The following PPM1D variants were observed in gnomAD, a reference collection of about 807,000 sequenced individuals.
PPM1D encodes protein phosphatase, Mg2+/Mn2+ dependent 1D.
PPM1D carries 52 observed loss-of-function variants against 58.3 expected under a neutral mutation model. That is an observed-to-expected ratio of 0.89 (90% confidence interval 0.71 to 1.12). The LOEUF (loss-of-function observed/expected upper bound fraction) is 1.12. Ranked by LOEUF, PPM1D falls within the 50% of genes most tolerant of loss-of-function variation. PPM1D has a pLI of 0.00. For missense variants in PPM1D, 564 were observed against 777.2 expected, an observed-to-expected ratio of 0.73 and a Z score of 3.26; for synonymous variants, 278 against 285.1, an observed-to-expected ratio of 0.98 and a Z score of 0.25.
At chr17:60,619,312 T>C (rs2030650708) in intron 1 of PPM1D, among the ~76,000 whole-genome samples, 3 of 152,136 alleles carry the variant, frequency 2.0e-5, no homozygotes, top group Admixed American at 2.0e-4. Flanking sequence ...TGTTTTCATA[T>C]CTTGGATGTT....
intron 1 of PPM1D, among the ~76,000 whole-genome samples, chr17:60,607,159 ATTTTTCT>A (rs1213849502): frequency 6.6e-6 from 1 of 151,658 alleles, no homozygotes; most frequent in African/African-American, 2.4e-5. Context: ...AAAGGTCATT[ATTTTTCT>A]TTTTTCTTTA....
chr17:60,616,566 C>T lies in PPM1D; in HGVS notation c.473-6955C>T, dbSNP rs147196635. On this transcript the variant is annotated intron_variant, in intron 1 of 5. Transcript: ENST00000305921. ...CAGAGGTTGCAGTGAGCCAAGATCACGCCTCTGCACTCCGGCCTGGGTGAC... is the reference window on the plus strand; with the variant it reads ...CAGAGGTTGCAGTGAGCCAAGATCATGCCTCTGCACTCCGGCCTGGGTGAC... Among the ~76,000 whole-genome samples, 768 of 152,096 alleles carry T rather than the reference C, an allele frequency of 5.0e-3. 5 individuals carry two copies. Among genetic ancestry groups the T allele is most frequent in the African/African-American group, 0.017 (721 of 41,480 alleles).
chr17:60,635,056 G>A (rs1020785018), intron 3 of PPM1D, among the ~76,000 whole-genome samples: 3 of 151,976 alleles, frequency 2.0e-5, no homozygotes, highest in African/African-American at 4.8e-5. Context: ...ACAGGCATGA[G>A]CCACCACACC....
At chr17:60,628,680 A>G (rs1330822147) in intron 2 of PPM1D, among the ~76,000 whole-genome samples, 1 of 152,156 alleles carries the variant, frequency 6.6e-6, no homozygotes, top group African/African-American at 2.4e-5. Flanking sequence ...AGTTATACAG[A>G]TCTTGCAAAT....
chr17:60,617,825 A>G (rs2143644170), intron 1 of PPM1D, among the ~76,000 whole-genome samples: 1 of 152,306 alleles, frequency 6.6e-6, no homozygotes, highest in Admixed American at 6.5e-5. Flanking sequence ...TGTACACTTC[A>G]ATGAATAATT....
chr17:60,663,618 G>T lies in PPM1D; in HGVS notation c.*66G>T. Reference sequence around the variant, plus strand: ...AAGAGGGCTTTTTAAATTTGGTGCCGATGTTGAACTTTTTTTAAGGGGAGA... The same window carrying T: ...AAGAGGGCTTTTTAAATTTGGTGCCTATGTTGAACTTTTTTTAAGGGGAGA... On this transcript the variant is annotated 3_prime_UTR_variant, in exon 6 of 6. Coordinates refer to ENST00000305921, the MANE Select transcript of PPM1D (RefSeq NM_003620.4). 1 of 1,492,238 alleles carries T rather than the reference G, an allele frequency of 6.7e-7. No individual in the cohort carries two copies. The highest frequency in any genetic ancestry group is 9.0e-7 in the Non-Finnish European group (1 of 1,114,534). The allele number at this position is 1,492,238 out of a possible 1,614,324, so 92.4% of individuals were successfully genotyped here.
intron 5 of PPM1D, among the ~76,000 whole-genome samples, chr17:60,658,689 C>A (rs1406466349): frequency 6.6e-6 from 1 of 151,344 alleles, no homozygotes; most frequent in African/African-American, 2.4e-5. Flanking sequence ...CTGGGCTGGG[C>A]GTGGTGGCTC....
At chr17:60,616,503 G>T (rs932251136) in intron 1 of PPM1D, among the ~76,000 whole-genome samples, 1 of 151,920 alleles carries the variant, frequency 6.6e-6, no homozygotes, top group African/African-American at 2.4e-5. Flanking sequence ...CCAGCTACTC[G>T]GGAGGCTGAG....
At chr17:60,657,845 T>C (rs2031466870) in intron 5 of PPM1D, among the ~76,000 whole-genome samples, 1 of 152,198 alleles carries the variant, frequency 6.6e-6, no homozygotes, top group African/African-American at 2.4e-5. Flanking sequence ...GTTCAGGTGA[T>C]TCTCCTGCCT....
At chr17:60,629,344 C>T (rs145078406) in intron 2 of PPM1D, among the ~76,000 whole-genome samples, 2 of 152,132 alleles carry the variant, frequency 1.3e-5, no homozygotes, top group African/African-American at 4.8e-5. Flanking sequence ...TAAGCTAGAC[C>T]CTGTCGTCTT....
In PPM1D at chr17:60,600,231, C is replaced by A; in HGVS notation, c.-184C>A. 8.2e-7 allele frequency: 1 copy of A among 1,226,090 alleles called. No homozygotes were observed. Among genetic ancestry groups the A allele is most frequent in the East Asian group, 2.7e-5 (1 of 37,024 alleles). 76.0% of individuals were successfully genotyped at this position (1,226,090 alleles called of 1,614,324 possible). On this transcript the variant is annotated 5_prime_UTR_variant, in exon 1 of 6. Coordinates refer to ENST00000305921, the MANE Select transcript of PPM1D (RefSeq NM_003620.4). ...AACTGCCTGGCTCTGCTCGCTCCGG[C>A]GCTCCGGCCCAGCTCTCGCGGACAA... is the stretch of plus-strand genomic sequence containing the variant.
At chr17:60,604,597 C>G (rs1465688151) in intron 1 of PPM1D, 1 of 151,910 alleles carries the variant, frequency 6.6e-6, no homozygotes, top group Non-Finnish European at 1.5e-5. Context: ...TGTTGCTATA[C>G]AAAATAAAAA....
intron 3 of PPM1D, 83 bp from the exon 4 acceptor site, chr17:60,647,809 G>T (rs1475362284): frequency 1.5e-6 from 2 of 1,340,322 alleles, no homozygotes; most frequent in South Asian, 1.3e-5. Context: ...GATGAACTGT[G>T]TAGATTTTCT....
At chr17:60,613,171 C>T (rs1241832913) in intron 1 of PPM1D, among the ~76,000 whole-genome samples, 1 of 151,000 alleles carries the variant, frequency 6.6e-6, no homozygotes, top group South Asian at 2.1e-4. Context: ...TAAATAAACC[C>T]TTTAAATAAG....
At chr17:60,621,172 C>A (rs937692869) in intron 1 of PPM1D, among the ~76,000 whole-genome samples, 4 of 152,004 alleles carry the variant, frequency 2.6e-5, no homozygotes, top group Admixed American at 1.3e-4. Context: ...ATCCACCCAC[C>A]TTGGCCTCCC....
chr17:60,605,986 G>T (rs1485526948), intron 1 of PPM1D, among the ~76,000 whole-genome samples: 2 of 152,096 alleles, frequency 1.3e-5, no homozygotes, highest in African/African-American at 4.8e-5. Context: ...TCATAATGTT[G>T]TACAACCATC....
At chr17:60,608,561 C>CA in intron 1 of PPM1D, among the ~76,000 whole-genome samples, 1 of 152,038 alleles carries the variant, frequency 6.6e-6, no homozygotes, top group South Asian at 2.1e-4. Flanking sequence ...CACTGCACTC[C>CA]AGCCTGGCAA....
At chr17:60,624,508 T>C (rs924319288) in intron 2 of PPM1D, among the ~76,000 whole-genome samples, 1 of 152,164 alleles carries the variant, frequency 6.6e-6, no homozygotes, top group African/African-American at 2.4e-5. Flanking sequence ...AGCATCTGGC[T>C]GGGCACTGTG....
chr17:60,607,952 C>T (rs1180036639), intron 1 of PPM1D, among the ~76,000 whole-genome samples: 1 of 152,186 alleles, frequency 6.6e-6, no homozygotes, highest in African/African-American at 2.4e-5. Context: ...TTTGGCATTA[C>T]TTTAATTTAA....
Sources: allele counts gnomAD v4.1 joint callset (sites outside exome capture counted in the v4.1 genomes callset), GRCh38; gene constraint gnomAD v4.1.1; transcripts MANE v1.5; gene names NCBI Gene and HGNC (gene_info 2026-07-23, HGNC 2026-07-21).